RGS7: variants seen among roughly 807,000 people sequenced by gnomAD.
RGS7 encodes the protein regulator of G protein signaling 7.
In RGS7, 27 loss-of-function variants were observed where a neutral mutation model predicts 81.1. The observed-to-expected ratio is 0.33, with a 90% CI of 0.25 to 0.46. The LOEUF (loss-of-function observed/expected upper bound fraction) is 0.46, where lower values mean the gene tolerates loss of function less well. Ranked by LOEUF, RGS7 falls within the 20% of genes least tolerant of loss-of-function variation. The probability of loss-of-function intolerance (pLI) is 1.00; values close to 1 mark genes in which losing one functional copy is unlikely to be tolerated. For synonymous variants in RGS7, 208 were observed against 207.7 expected (o/e 1.00, Z -0.01); for missense variants, 396 against 607.4 (o/e 0.65, Z 3.66).
chr1:241,151,496 A>G (rs1162231006), intron 2 of RGS7, among the ~76,000 whole-genome samples: 1 of 152,022 alleles, frequency 6.6e-6, no homozygotes, highest in Non-Finnish European at 1.5e-5. Context: ...GAGAGGAGAA[A>G]CACTCAACTC....
intron 3 of RGS7, among the ~76,000 whole-genome samples, chr1:241,060,051 AC>A (rs2061667587): frequency 6.6e-6 from 1 of 151,956 alleles, no homozygotes; most frequent in Admixed American, 6.6e-5. Context: ...CACCTCCCAA[AC>A]CTAGGGCACC....
At chr1:240,983,016 T>C in intron 4 of RGS7, 63 bp downstream of exon 4, 1 of 920,218 alleles carries the variant, frequency 1.1e-6, no homozygotes, top group Middle Eastern at 2.1e-4. Flanking sequence ...ATATCCCTGA[T>C]GAAACATATT....
At position 240,890,301 on chromosome 1, in the gene RGS7, C is replaced by T. The variant is rs565990177; in HGVS notation, c.386-20182G>A. ...CTGAGTAGCTGGGCCTACAGGCGTG[C>T]GCCACCACACCCAGCTAATTTTTGT... is the stretch of plus-strand genomic sequence containing the variant. On this transcript the variant is annotated intron_variant, in intron 6 of 18. Coordinates refer to ENST00000440928, the MANE Select transcript of RGS7 (RefSeq NM_001364886.1). 2.6e-5 allele frequency among the ~76,000 whole-genome samples: 4 copies of T among 152,120 alleles called. No individual in the cohort carries two copies. In the East Asian group the frequency reaches 5.9e-4, roughly 22 times the overall value.
chr1:240,881,997 C>T (rs1328504803), intron 6 of RGS7, among the ~76,000 whole-genome samples: 2 of 151,566 alleles, frequency 1.3e-5, no homozygotes. Flanking sequence ...TCACTGTTAT[C>T]TCCACCTCCC....
At chr1:241,128,439 C>T (rs2066841510) in intron 2 of RGS7, among the ~76,000 whole-genome samples, 1 of 151,416 alleles carries the variant, frequency 6.6e-6, no homozygotes, top group African/African-American at 2.4e-5. Flanking sequence ...CAAAAATTTA[C>T]CTGGCATGGT....
At chr1:241,132,170 T>C (rs1572829879) in intron 2 of RGS7, 1 of 154,218 alleles carries the variant, frequency 6.5e-6, no homozygotes, top group Admixed American at 6.5e-5. Flanking sequence ...TATTTTGTGT[T>C]TAAGTGGCAT....
chr1:240,982,836 G>A (rs186207138), intron 4 of RGS7, among the ~76,000 whole-genome samples: 256 of 152,184 alleles, frequency 1.7e-3, no homozygotes, highest in Middle Eastern at 3.4e-3. Flanking sequence ...AACGATCACC[G>A]ATGACCTGAA....
chr1:240,817,269 A>C (rs61832421), intron 10 of RGS7, among the ~76,000 whole-genome samples: 1 of 152,146 alleles, frequency 6.6e-6, no homozygotes, highest in Non-Finnish European at 1.5e-5. Flanking sequence ...AAAGAATTTA[A>C]TGTGTGTTAT....
intron 2 of RGS7, among the ~76,000 whole-genome samples, chr1:241,204,101 G>T (rs904674157): frequency 3.3e-5 from 5 of 152,170 alleles, no homozygotes; most frequent in African/African-American, 4.8e-5. Context: ...GAGTTTAAAG[G>T]AAACTTTAGA....
At chr1:241,137,499 C>A (rs1266459618) in intron 2 of RGS7, among the ~76,000 whole-genome samples, 3 of 152,066 alleles carry the variant, frequency 2.0e-5, no homozygotes, top group Non-Finnish European at 4.4e-5. Context: ...TGACTTTGAG[C>A]CCCCAAATTT....
At chr1:240,874,915 G>T (rs911796933) in intron 6 of RGS7, among the ~76,000 whole-genome samples, 5 of 151,812 alleles carry the variant, frequency 3.3e-5, no homozygotes, top group Non-Finnish European at 7.4e-5. Flanking sequence ...TGTGGCGGGT[G>T]CCTGTAATCT....
intron 3 of RGS7, among the ~76,000 whole-genome samples, chr1:241,025,594 C>T (rs2059743332): frequency 6.6e-6 from 1 of 152,006 alleles, no homozygotes; most frequent in Non-Finnish European, 1.5e-5. Flanking sequence ...TTGCTGAGAA[C>T]TGATGAAACT....
At chr1:240,912,605 G>T (rs1671952708) in intron 6 of RGS7, among the ~76,000 whole-genome samples, 1 of 152,108 alleles carries the variant, frequency 6.6e-6, no homozygotes, top group Non-Finnish European at 1.5e-5. Context: ...TTCAGAACTA[G>T]TTCCTTCTTG....
In RGS7 at chr1:241,341,870, CTTTTT is replaced by C. The variant is rs35903618; in HGVS notation, c.78+13824_78+13828del. Among the ~76,000 whole-genome samples, 120 of 89,520 alleles carry C rather than the reference CTTTTT, an allele frequency of 1.3e-3. 2 individuals are homozygous for C. In the South Asian group the frequency reaches 0.043, roughly 32 times the overall value. 58.7% of individuals were successfully genotyped at this position (89,520 alleles called of 152,430 possible). On this transcript the variant is annotated intron_variant, in intron 2 of 18. Transcript: ENST00000440928. ...AGGTACAAGTAGACACTCTTCAACT[CTTTTT>C]TTTTTTTTTTTTTTTTTTTGAGACA...
At chr1:240,909,002 C>T (rs1671295323) in intron 6 of RGS7, among the ~76,000 whole-genome samples, 2 of 152,158 alleles carry the variant, frequency 1.3e-5, no homozygotes, top group African/African-American at 4.8e-5. Context: ...ACCTCTAATT[C>T]GGACTTTCCT....
At chr1:240,928,250 T>C (rs1674805720) in intron 6 of RGS7, among the ~76,000 whole-genome samples, 1 of 152,194 alleles carries the variant, frequency 6.6e-6, no homozygotes, top group Non-Finnish European at 1.5e-5. Flanking sequence ...CACGCTTCTG[T>C]CTGTAAGTTC....
At chr1:241,014,211 T>A (rs2148669778) in intron 3 of RGS7, among the ~76,000 whole-genome samples, 1 of 152,314 alleles carries the variant, frequency 6.6e-6, no homozygotes, top group East Asian at 1.9e-4. Flanking sequence ...TTTCTACATT[T>A]TATTGAATTT....
At chr1:240,991,167 T>C (rs1686403520) in intron 3 of RGS7, among the ~76,000 whole-genome samples, 1 of 152,216 alleles carries the variant, frequency 6.6e-6, no homozygotes, top group African/African-American at 2.4e-5. Context: ...GCTCCTTGGC[T>C]GTTCCTTGAG....
intron 2 of RGS7, among the ~76,000 whole-genome samples, chr1:241,322,192 C>T (rs1002326060): frequency 2.0e-5 from 3 of 152,222 alleles, no homozygotes; most frequent in African/African-American, 7.2e-5. Flanking sequence ...ACCTCTACCA[C>T]ATCTTGCTCA....
Sources: gnomAD v4.1 joint callset for allele counts (sites outside exome capture counted in the v4.1 genomes callset) on GRCh38, gnomAD v4.1.1 for gene constraint, MANE v1.5 for transcripts, NCBI Gene and HGNC (gene_info 2026-07-23, HGNC 2026-07-21) for gene names.